The following TRAFD1 variants were observed in gnomAD, a reference collection of about 807,000 sequenced individuals.
The protein encoded by TRAFD1 is TRAF-type zinc finger domain-containing protein 1.
A neutral mutation model predicts 65.3 loss-of-function variants in TRAFD1; 38 were observed. That is an observed-to-expected ratio of 0.58 (90% confidence interval 0.45 to 0.76). TRAFD1 has a LOEUF of 0.76. Among genes scored for constraint, TRAFD1 ranks in the 30% least tolerant of loss-of-function variants. TRAFD1 has a pLI of 0.00. For missense variants in TRAFD1, 631 were observed against 712.6 expected (o/e 0.89, Z 1.30); for synonymous variants, 223 against 257.2 (o/e 0.87, Z 1.27).
At chr12:112,140,786 G>A (rs1356193496) in intron 4 of TRAFD1, 33 bp from the exon 5 acceptor site, 12 of 1,608,450 alleles carry the variant, frequency 7.5e-6, no homozygotes, top group Non-Finnish European at 1.0e-5. Flanking sequence ...TCCTAGATAT[G>A]CATATTAACT....
At chr12:112,145,834 G>T (rs957674082) in intron 7 of TRAFD1, among the ~76,000 whole-genome samples, 172 bp downstream of exon 7, 1 of 152,092 alleles carries the variant, frequency 6.6e-6, no homozygotes, top group South Asian at 2.1e-4. Flanking sequence ...ACTTAGCCTT[G>T]TTCCTTCTTA....
intron 2 of TRAFD1, among the ~76,000 whole-genome samples, chr12:112,131,894 TTG>T (rs2079567863): frequency 6.6e-6 from 1 of 152,230 alleles, no homozygotes; most frequent in Non-Finnish European, 1.5e-5. Context: ...AGTAAATGCT[TTG>T]TGGTCTTACT....
rs944755379 is a variant in TRAFD1 at position 112,137,259 on chromosome 12, A to G, written c.237+2193A>G. 1.3e-5 allele frequency among the ~76,000 whole-genome samples: 2 copies of G among 152,194 alleles called. No individual in the cohort carries two copies. The highest frequency in any genetic ancestry group is 2.9e-5 in the Non-Finnish European group (2 of 68,034). On this transcript the variant is annotated intron_variant, in intron 4 of 11. Transcript: ENST00000412615. This position sits in a 1 kb window ranked among gnomAD's most constrained non-coding sequence, Gnocchi z 4.2. The stretch of plus-strand genomic sequence containing the variant: ...AAAAAACTGGCTCACCTTGTTTTCA[A>G]GTGTTGACATAAACAGTCAAAAGCA...
In TRAFD1 at chr12:112,146,987, G is replaced by GTTTTTT. The variant is rs547077120; in HGVS notation, c.928-1062_928-1057dup. On this transcript the variant is annotated intron_variant, in intron 7 of 11. Coordinates refer to ENST00000412615, the MANE Select transcript of TRAFD1 (RefSeq NM_006700.3). ...GGATTACCTGATGGAGGGAACTTCT[G>GTTTTTT]TTTTTTTTTTTTTTTTTTTTTTTTT... 1.9e-3 allele frequency among the ~76,000 whole-genome samples: 101 copies of GTTTTTT among 52,536 alleles called. 5 individuals carry two copies. The highest frequency in any genetic ancestry group is 2.4e-3 in the Non-Finnish European group (64 of 26,190). The allele number at this position is 52,536 out of a possible 152,430, so 34.5% of individuals were successfully genotyped here. A position where few individuals can be genotyped will look rare whatever the true frequency, so the allele number is the denominator to read the frequency against.
intron 2 of TRAFD1, among the ~76,000 whole-genome samples, chr12:112,132,563 C>T (rs1566047245): frequency 6.6e-6 from 1 of 152,098 alleles, no homozygotes; most frequent in Non-Finnish European, 1.5e-5. Flanking sequence ...AGTAATTTTC[C>T]TCTTTATCCA....
At position 112,137,580 on chromosome 12, in the gene TRAFD1, G is replaced by A. The variant is rs1350251454; in HGVS notation, c.237+2514G>A. 2.0e-5 allele frequency among the ~76,000 whole-genome samples: 3 copies of A among 152,036 alleles called. No individual in the cohort carries two copies. Among genetic ancestry groups the A allele is most frequent in the Non-Finnish European group, 2.9e-5 (2 of 67,998 alleles). ...GATTGAGACCATCCTGGCTAATACG[G>A]TGAAACCCCGTCTCTACTAAAAATA... On this transcript the variant is annotated intron_variant, in intron 4 of 11. Coordinates refer to ENST00000412615, the MANE Select transcript of TRAFD1 (RefSeq NM_006700.3). This position sits in a 1 kb window ranked among gnomAD's most constrained non-coding sequence, Gnocchi z 4.2.
chr12:112,127,694 C>T (rs1177867186), intron 1 of TRAFD1, among the ~76,000 whole-genome samples: 1 of 151,494 alleles, frequency 6.6e-6, no homozygotes, highest in African/African-American at 2.4e-5. Flanking sequence ...GAGAGGGAGT[C>T]TCGCTCTGTC....
In TRAFD1 at chr12:112,141,238, G is replaced by C. The variant is rs766653819; in HGVS notation, c.643+14G>C. The C allele has an allele frequency of 1.9e-6, 3 of 1,610,772 alleles. No homozygotes were observed. In the African/African-American group the frequency reaches 4.0e-5, roughly 22 times the overall value. Reference sequence around the variant, plus strand: ...AGAATAATCTGTGTGAGTTGTGCTTGGGATTAGGGAACTAGAATGGTATCA... The same window carrying C: ...AGAATAATCTGTGTGAGTTGTGCTTCGGATTAGGGAACTAGAATGGTATCA... On this transcript the variant is annotated intron_variant, in intron 5 of 11. Coordinates refer to ENST00000412615, the MANE Select transcript of TRAFD1 (RefSeq NM_006700.3).
Position 112,140,821 on chromosome 12 carries a change from G to C in TRAFD1, c.240G>C (p.Glu80Asp). The C allele has an allele frequency of 5.6e-6, 9 of 1,613,712 alleles. No individual in the cohort carries two copies. The highest frequency in any genetic ancestry group is 1.7e-5 in the Admixed American group (1 of 59,992). Residue 80 changes from glutamate to aspartate, a missense_variant and splice_region_variant, in exon 5 of 12, where the codon GAG becomes GAC. Physicochemically the swap from Glu to Asp is conservative, Grantham distance 45. Coordinates refer to ENST00000412615, the MANE Select transcript of TRAFD1 (RefSeq NM_006700.3). ...LEKRLLKKHEETECPLRLAVC... is the reference protein window; with the variant it reads ...LEKRLLKKHEDTECPLRLAVC... ...TGCCTCATTCCTCTGTTTTGTAGGA[G>C]ACTGAGTGCCCTTTGCGGCTTGCTG...
chr12:112,143,516 C>T (rs980508273), intron 6 of TRAFD1, among the ~76,000 whole-genome samples: 3 of 152,134 alleles, frequency 2.0e-5, no homozygotes, highest in African/African-American at 4.8e-5. Flanking sequence ...TGAGCCACTG[C>T]GCCCAGCCAT....
Position 112,142,074 on chromosome 12 carries a change from G to A in TRAFD1, c.644-15G>A, listed in dbSNP as rs200216113. 5.7e-6 allele frequency: 7 copies of A among 1,229,056 alleles called. No individual in the cohort carries two copies. In the Admixed American group the frequency reaches 6.3e-5, roughly 11 times the overall value. 76.1% of individuals were successfully genotyped at this position (1,229,056 alleles called of 1,614,324 possible). Reference sequence around the variant, plus strand: ...TCTAATGTATCCTGAATGTTGGTTGGTTTTTTTTTTTCAGTTGAAGAACAA... The same window carrying A: ...TCTAATGTATCCTGAATGTTGGTTGATTTTTTTTTTTCAGTTGAAGAACAA... On this transcript the variant is annotated splice_polypyrimidine_tract_variant and intron_variant, in intron 5 of 11. Coordinates refer to ENST00000412615, the MANE Select transcript of TRAFD1 (RefSeq NM_006700.3).
At chr12:112,144,757 C>T (rs1474379559) in intron 6 of TRAFD1, among the ~76,000 whole-genome samples, 1 of 152,094 alleles carries the variant, frequency 6.6e-6, no homozygotes, top group Non-Finnish European at 1.5e-5. Context: ...GTGGCACACA[C>T]CTGTAGTCTC....
chr12:112,149,942 T>TC, intron 9 of TRAFD1, 71 bp downstream of exon 9: 1 of 1,591,846 alleles, frequency 6.3e-7, no homozygotes, highest in South Asian at 1.1e-5. Flanking sequence ...CCACTTCCCA[T>TC]CCACTGCTCT....
chr12:112,131,137 T>C (rs921007907), intron 2 of TRAFD1, among the ~76,000 whole-genome samples: 3 of 152,236 alleles, frequency 2.0e-5, no homozygotes, highest in African/African-American at 7.2e-5. Flanking sequence ...TTTCATCTCA[T>C]TGTAGGTGTC....
intron 7 of TRAFD1, among the ~76,000 whole-genome samples, chr12:112,146,298 G>A (rs1281894086): frequency 6.6e-6 from 1 of 151,404 alleles, no homozygotes; most frequent in Non-Finnish European, 1.5e-5. Flanking sequence ...AGGCTGAGGT[G>A]GGAGGATTGC....
chr12:112,148,250 C>T lies in TRAFD1; in HGVS notation c.1104C>T (p.Ile368=). Residue 368 remains isoleucine (I), a synonymous_variant, in exon 8 of 12, where the codon ATC becomes ATT. Transcript: ENST00000412615. ...NSHPVEESII[I]PCEFCGVQLE... ...ACCCTGTGGAGGAGAGCATCATTAT[C>T]CCATGTGAATTCTGTGGGGTACAGC... is the stretch of plus-strand genomic sequence containing the variant. 3.7e-6 allele frequency: 6 copies of T among 1,614,118 alleles called. No individual in the cohort carries two copies. The highest frequency in any genetic ancestry group is 5.1e-6 in the Non-Finnish European group (6 of 1,180,010).
intron 4 of TRAFD1, among the ~76,000 whole-genome samples, chr12:112,135,359 T>A (rs1384488409): frequency 6.6e-6 from 1 of 152,230 alleles, no homozygotes; most frequent in Non-Finnish European, 1.5e-5. Flanking sequence ...AAGCCAGCCC[T>A]AGAGTTGCCA....
intron 1 of TRAFD1, among the ~76,000 whole-genome samples, chr12:112,127,986 A>C (rs2079549228): frequency 6.6e-6 from 1 of 151,028 alleles, no homozygotes; most frequent in Non-Finnish European, 1.5e-5. Flanking sequence ...TACAGGTGTG[A>C]GACACTGCAC....
chr12:112,149,631 C>G (rs2030346187), intron 8 of TRAFD1, 120 bp from the exon 9 acceptor site: 2 of 1,388,802 alleles, frequency 1.4e-6, no homozygotes, highest in East Asian at 4.7e-5. Context: ...GTTCCCAGAA[C>G]TTTCAGAGGT....
Sources: gnomAD v4.1 joint callset for allele counts (sites outside exome capture counted in the v4.1 genomes callset) on GRCh38, gnomAD v4.1.1 for gene constraint, Gnocchi (gnomAD v3.1) non-coding constraint, MANE v1.5 for transcripts, NCBI Gene and HGNC (gene_info 2026-07-23, HGNC 2026-07-21) for gene names.